GTF2IRD1: variants seen among roughly 807,000 people sequenced by gnomAD.
The protein encoded by GTF2IRD1 is GTF2I repeat domain containing 1, also known as general transcription factor II-I repeat domain-containing protein 1.
In GTF2IRD1, 26 loss-of-function variants were observed where a neutral mutation model predicts 113.2. The observed-to-expected ratio is 0.23, with a 90% confidence interval of 0.17 to 0.32. The LOEUF (loss-of-function observed/expected upper bound fraction) is 0.32. Among genes scored for constraint, GTF2IRD1 ranks in the 10% least tolerant of loss-of-function variants. The pLI is 1.00. For missense variants in GTF2IRD1, 864 were observed against 1,280.8 expected (o/e 0.67, Z 4.97); for synonymous variants, 484 against 529.1 (o/e 0.91, Z 1.17).
chr7:74,490,558 G>T (rs1007243338), intron 1 of GTF2IRD1, among the ~76,000 whole-genome samples: 1 of 95,784 alleles, frequency 1.0e-5, no homozygotes, highest in Admixed American at 1.1e-4. Context: ...CCCCCCGCCC[G>T]CCTTCCAGAA....
At chr7:74,548,743 A>C (rs1799110569) in intron 17 of GTF2IRD1, among the ~76,000 whole-genome samples, 1 of 152,066 alleles carries the variant, frequency 6.6e-6, no homozygotes, top group African/African-American at 2.4e-5. Context: ...ATCTCTACAA[A>C]AAAATTTTAA....
intron 26 of GTF2IRD1, chr7:74,601,576 C>T: frequency 2.2e-6 from 2 of 908,432 alleles, no homozygotes; most frequent in Non-Finnish European, 3.1e-6. Context: ...AGTTTGAGAC[C>T]AGGCTGACCA....
At chr7:74,506,570 C>G (rs1351066089) in intron 1 of GTF2IRD1, 1 of 152,250 alleles carries the variant, frequency 6.6e-6, no homozygotes, top group Non-Finnish European at 1.5e-5. Flanking sequence ...AGGGGCCACA[C>G]AGAGAGCACC....
intron 1 of GTF2IRD1, among the ~76,000 whole-genome samples, chr7:74,493,170 C>A (rs1029029713): frequency 4.7e-5 from 7 of 149,284 alleles, no homozygotes; most frequent in Admixed American, 1.4e-4. Flanking sequence ...AGGGCAGTGA[C>A]GTGATCTCAG....
chr7:74,514,185 C>T lies in GTF2IRD1; in HGVS notation c.265+1214C>T, dbSNP rs370373321. ...TGGCACTTGGTTCACACTCAATAGACACCAGCTGTTGTTACTATTATTAGT... is the reference window on the plus strand; with the variant it reads ...TGGCACTTGGTTCACACTCAATAGATACCAGCTGTTGTTACTATTATTAGT... On this transcript the variant is annotated intron_variant, in intron 3 of 26. Transcript: ENST00000424337. Among the ~76,000 whole-genome samples the T allele has an allele frequency of 9.2e-5, 14 of 152,240 alleles. No individual in the cohort carries two copies. The South Asian group carries it at 2.9e-3, about 32-fold the overall frequency.
intron 2 of GTF2IRD1, among the ~76,000 whole-genome samples, chr7:74,509,913 G>T (rs1796527892): frequency 6.6e-6 from 1 of 152,138 alleles, no homozygotes; most frequent in Admixed American, 6.5e-5. Flanking sequence ...TTGACCTCGT[G>T]ATCCGCCCAC....
chr7:74,539,236 A>C (rs1375031274), intron 13 of GTF2IRD1, among the ~76,000 whole-genome samples: 34 of 152,180 alleles, frequency 2.2e-4, no homozygotes, highest in African/African-American at 8.0e-4. Context: ...GCTTGAGGCC[A>C]GGAGTTCAAG....
intron 24 of GTF2IRD1, among the ~76,000 whole-genome samples, chr7:74,593,508 CAGATCACAAGGTCAGG>C (rs1216333657): frequency 2.7e-5 from 4 of 150,642 alleles, no homozygotes; most frequent in African/African-American, 4.9e-5. Flanking sequence ...CCGAGGCTGG[CAGATCACAAGGTCAGG>C]AGATCACAAC....
At chr7:74,556,542 G>C (rs1369306828) in intron 19 of GTF2IRD1, among the ~76,000 whole-genome samples, 16 of 149,772 alleles carry the variant, frequency 1.1e-4, no homozygotes, top group Non-Finnish European at 2.2e-4. Context: ...GGCTGGTCTC[G>C]AGCTCCTGAC....
At chr7:74,455,523 G>T (rs1691783952) in intron 1 of GTF2IRD1, among the ~76,000 whole-genome samples, 1 of 152,212 alleles carries the variant, frequency 6.6e-6, no homozygotes, top group Admixed American at 6.5e-5. Flanking sequence ...AAGGGCACCA[G>T]CATCGATTAT....
chr7:74,521,279 A>G lies in GTF2IRD1; in HGVS notation c.988A>G (p.Ile330Val), dbSNP rs1554345920. Residue 330 changes from isoleucine (I) to valine (V), a missense_variant, in exon 7 of 27, where the codon ATC becomes GTC. Transcript: ENST00000424337. ...VHASKRILFSIVHDKSEKWDA... is the reference protein window; with the variant it reads ...VHASKRILFSVVHDKSEKWDA... ...TGCCTCCAAGCGCATTCTCTTCTCC[A>G]TCGTCCATGACAAGTCAGGTAGGAC... 2 of 1,609,208 alleles carry G rather than the reference A, an allele frequency of 1.2e-6. No individual in the cohort carries two copies. The highest frequency in any genetic ancestry group is 1.3e-5 in the African/African-American group (1 of 74,778).
In GTF2IRD1 at chr7:74,555,137, G is replaced by C. The variant is rs782131572; in HGVS notation, c.1917-37G>C. 1 of 1,602,450 alleles carries C rather than the reference G, an allele frequency of 6.2e-7. No individual in the cohort carries two copies. The stretch of plus-strand genomic sequence containing the variant: ...GGCTGAGCAGTCCCAGAGATGCTTG[G>C]AGGGACCTCTGTGATAGCCTCGCTT... On this transcript the variant is annotated intron_variant, in intron 17 of 26. Coordinates refer to ENST00000424337, the MANE Select transcript of GTF2IRD1 (RefSeq NM_005685.4). This position sits in a 1 kb window ranked among gnomAD's most constrained non-coding sequence, Gnocchi z 5.3.
rs187464468 is a variant in GTF2IRD1 at position 74,484,837 on chromosome 7, G to A, written c.-6-23238G>A. Among the ~76,000 whole-genome samples the A allele has an allele frequency of 1.2e-4, 19 of 152,256 alleles. No individual in the cohort carries two copies. In the East Asian group the frequency reaches 3.5e-3, roughly 28 times the overall value. On this transcript the variant is annotated intron_variant, in intron 1 of 26. Transcript: ENST00000424337. Reference sequence around the variant, plus strand: ...TTTTATCCATTCATCATCGGACGCTGGGACGGTTTCTGCCTTTTGGCTATT... The same window carrying A: ...TTTTATCCATTCATCATCGGACGCTAGGACGGTTTCTGCCTTTTGGCTATT...
intron 22 of GTF2IRD1, among the ~76,000 whole-genome samples, chr7:74,571,340 A>C (rs587651845): frequency 2.0e-5 from 3 of 152,232 alleles, no homozygotes; most frequent in Non-Finnish European, 2.9e-5. Context: ...GAGACTGGCC[A>C]GGATGGAGCG....
At position 74,538,887 on chromosome 7, in the gene GTF2IRD1, C is replaced by T. The variant is rs114037041; in HGVS notation, c.1528+127C>T. 2,244 of 631,170 alleles carry T rather than the reference C, an allele frequency of 3.6e-3. 47 individuals carry two copies. The highest frequency in any genetic ancestry group is 0.036 in the African/African-American group (1,948 of 54,860). 39.1% of individuals were successfully genotyped at this position (631,170 alleles called of 1,614,324 possible). Reference sequence around the variant, plus strand: ...TCTCTCTGTGGATTCTGAGAGCCATCGGGGTACTGTGAATGCTTTTTCTGG... The same window carrying T: ...TCTCTCTGTGGATTCTGAGAGCCATTGGGGTACTGTGAATGCTTTTTCTGG... On this transcript the variant is annotated intron_variant, in intron 13 of 26. Coordinates refer to ENST00000424337, the MANE Select transcript of GTF2IRD1 (RefSeq NM_005685.4).
At chr7:74,535,061 G>C (rs1798212120) in intron 9 of GTF2IRD1, 52 bp from the exon 10 acceptor site, 1 of 1,551,490 alleles carries the variant, frequency 6.4e-7, no homozygotes, top group Non-Finnish European at 8.9e-7. Context: ...CGAGCCCTGG[G>C]AGAGTCCTCC....
chr7:74,518,239 C>T lies in GTF2IRD1; in HGVS notation c.522C>T (p.Ala174=), dbSNP rs1797067272. ...LAVQGLPEGL[A]FRRPAEYDPK... ...TGCAGGGGCTGCCCGAAGGCCTGGC[C>T]TTCCGAAGGCCAGCCGAGTATGACC... Residue 174 remains alanine (A), a synonymous_variant, in exon 5 of 27, where the codon GCC becomes GCT. Coordinates refer to ENST00000424337, the MANE Select transcript of GTF2IRD1 (RefSeq NM_005685.4). The T allele has an allele frequency of 3.1e-6, 5 of 1,611,972 alleles. No individual in the cohort carries two copies. The highest frequency in any genetic ancestry group is 3.3e-5 in the Admixed American group (2 of 59,980).
At chr7:74,465,015 G>C (rs899705393) in intron 1 of GTF2IRD1, among the ~76,000 whole-genome samples, 11 of 152,212 alleles carry the variant, frequency 7.2e-5, no homozygotes, top group Admixed American at 3.3e-4. Context: ...CCACCCACCT[G>C]GCTCCAGGGT....
At chr7:74,564,492 T>C (rs1554360032) in intron 22 of GTF2IRD1, among the ~76,000 whole-genome samples, 1 of 152,172 alleles carries the variant, frequency 6.6e-6, no homozygotes, top group East Asian at 1.9e-4. Context: ...GGCTTATACC[T>C]ATAATCCCAG....
Sources: allele counts gnomAD v4.1 joint callset (sites outside exome capture counted in the v4.1 genomes callset), GRCh38; gene constraint gnomAD v4.1.1; non-coding constraint Gnocchi (gnomAD v3.1); transcripts MANE v1.5; gene names NCBI Gene and HGNC (gene_info 2026-07-23, HGNC 2026-07-21).